The following ZSWIM9 variants were observed in gnomAD, a reference collection of about 807,000 sequenced individuals.
ZSWIM9 encodes uncharacterized protein ZSWIM9.
In ZSWIM9, 11 loss-of-function variants were observed where a neutral mutation model predicts 25.0. The ratio of observed to expected loss-of-function variants is 0.44; its 90% CI spans 0.28 to 0.73. ZSWIM9 has a LOEUF of 0.73. Ranked by LOEUF, ZSWIM9 falls within the 30% of genes least tolerant of loss-of-function variation. ZSWIM9 has a pLI of 0.16. For synonymous variants in ZSWIM9, 562 were observed against 582.1 expected, an observed-to-expected ratio of 0.97 and a Z score of 0.50; for missense variants, 1,070 against 1,296.5, an observed-to-expected ratio of 0.83 and a Z score of 2.68.
Position 48,171,821 on chromosome 19 carries a change from C to G in ZSWIM9, c.19C>G (p.Pro7Ala). 6.5e-7 allele frequency: 1 copy of G among 1,533,192 alleles called. No homozygotes were observed. The highest frequency in any genetic ancestry group is 8.7e-7 in the Non-Finnish European group (1 of 1,145,746). The allele number at this position is 1,533,192 out of a possible 1,614,324, so 95.0% of individuals were successfully genotyped here. A position where few individuals can be genotyped will look rare whatever the true frequency, so the allele number is the denominator to read the frequency against. ...CCCCAGGATGGAGCGGCCGGAGCCCCCACCCGGCACGGCTGCGGGGCAGGA... is the reference window on the plus strand; with the variant it reads ...CCCCAGGATGGAGCGGCCGGAGCCCGCACCCGGCACGGCTGCGGGGCAGGA... MERPEP[P>A]PGTAAGQEEQ... The change falls in exon 2 of 4, where the codon CCA becomes GCA. Residue 7 changes from proline (P) to alanine (A), a missense_variant. Pro to Ala is a conservative substitution (Grantham distance 27, BLOSUM62 -1). This residue lies in a region of ZSWIM9 where 265 missense variants were observed against 339.0 expected (regional missense o/e 0.78). Transcript: ENST00000614654.
At position 48,182,928 on chromosome 19, in the gene ZSWIM9, G is replaced by A; in HGVS notation, c.588+161G>A. ...AAGTACTTACCGAGGCATTGGGGAT[G>A]CAGCAGCAAACCAGACCCACGTGGT... is the stretch of plus-strand genomic sequence containing the variant. On this transcript the variant is annotated intron_variant, in intron 3 of 3. Coordinates refer to ENST00000614654, the MANE Select transcript of ZSWIM9 (RefSeq NM_199341.4). The surrounding 1 kb of genome is among the most constrained non-coding windows in gnomAD (Gnocchi z 4.6). 1.5e-6 allele frequency: 1 copy of A among 646,098 alleles called. No individual in the cohort carries two copies. Among genetic ancestry groups the A allele is most frequent in the Non-Finnish European group, 2.6e-6 (1 of 379,492 alleles). The allele number at this position is 646,098 out of a possible 1,614,324, so 40.0% of individuals were successfully genotyped here. A position where few individuals can be genotyped will look rare whatever the true frequency, so the allele number is the denominator to read the frequency against.
At chr19:48,178,401 C>T (rs1236252003) in intron 2 of ZSWIM9, among the ~76,000 whole-genome samples, 2 of 152,024 alleles carry the variant, frequency 1.3e-5, no homozygotes, top group Admixed American at 1.3e-4. Flanking sequence ...GGGAGAATCA[C>T]CCAGTTGGGG....
chr19:48,172,104 C>T (rs1306457756), intron 2 of ZSWIM9, 27 bp downstream of exon 2: 4 of 939,834 alleles, frequency 4.3e-6, no homozygotes, highest in African/African-American at 3.5e-5. Flanking sequence ...CGCTGTCCTG[C>T]TGGGGGGAAG....
At chr19:48,185,560 G>T (rs533419808) in intron 3 of ZSWIM9, among the ~76,000 whole-genome samples, 111 of 152,262 alleles carry the variant, frequency 7.3e-4, no homozygotes, top group Admixed American at 1.2e-3. Context: ...AAAGGTATGT[G>T]GTGAAAAGTC....
chr19:48,172,107 G>C (rs1357412468), intron 2 of ZSWIM9, 30 bp downstream of exon 2: 3 of 1,484,626 alleles, frequency 2.0e-6, no homozygotes, highest in South Asian at 2.6e-5. Flanking sequence ...TGTCCTGCTG[G>C]GGGGAAGGGG....
At position 48,190,169 on chromosome 19, in the gene ZSWIM9, A is replaced by T. The variant is rs914347202; in HGVS notation, c.589-4484A>T. ...CAGTGAGCCGAGATCATGCCACTGT[A>T]CTCCAGCCTGGGTGACAGATTGAGA... On this transcript the variant is annotated intron_variant, in intron 3 of 3. Transcript: ENST00000614654. Among the ~76,000 whole-genome samples the T allele has an allele frequency of 2.7e-5, 4 of 150,778 alleles. No individual in the cohort carries two copies. The East Asian group carries it at 7.8e-4, about 29-fold the overall frequency.
intron 3 of ZSWIM9, among the ~76,000 whole-genome samples, chr19:48,192,655 T>C (rs1250847363): frequency 6.6e-6 from 1 of 151,074 alleles, no homozygotes; most frequent in Non-Finnish European, 1.5e-5. Flanking sequence ...CACTGCTTGT[T>C]AGCGCAGTGG....
chr19:48,182,356 T>G lies in ZSWIM9; in HGVS notation c.276-99T>G. 9.5e-7 allele frequency: 1 copy of G among 1,057,878 alleles called. No individual in the cohort carries two copies. Among genetic ancestry groups the G allele is most frequent in the Non-Finnish European group, 1.3e-6 (1 of 759,654 alleles). The allele number at this position is 1,057,878 out of a possible 1,614,324, so 65.5% of individuals were successfully genotyped here. A position where few individuals can be genotyped will look rare whatever the true frequency, so the allele number is the denominator to read the frequency against. The stretch of plus-strand genomic sequence containing the variant: ...AGGGCCCTCTACTCTTCTCTATGCC[T>G]GAAACAATTCTTAGTTTAAAAAAAA... On this transcript the variant is annotated intron_variant, in intron 2 of 3. Coordinates refer to ENST00000614654, the MANE Select transcript of ZSWIM9 (RefSeq NM_199341.4). This position sits in a 1 kb window ranked among gnomAD's most constrained non-coding sequence, Gnocchi z 4.6.
intron 3 of ZSWIM9, among the ~76,000 whole-genome samples, chr19:48,192,536 T>A (rs79296026): frequency 2.0e-4 from 26 of 129,852 alleles, no homozygotes; most frequent in African/African-American, 7.5e-4. Flanking sequence ...TAGCCCCGCC[T>A]TCATCAAATG....
chr19:48,182,773 GTCTCGA>G lies in ZSWIM9; in HGVS notation c.588+7_588+12del. The G allele has an allele frequency of 6.6e-7, 1 of 1,519,964 alleles. No homozygotes were observed. The highest frequency in any genetic ancestry group is 8.8e-7 in the Non-Finnish European group (1 of 1,135,126). 94.2% of individuals were successfully genotyped at this position (1,519,964 alleles called of 1,614,324 possible). On this transcript the variant is annotated splice_region_variant and intron_variant, in intron 3 of 3. Coordinates refer to ENST00000614654, the MANE Select transcript of ZSWIM9 (RefSeq NM_199341.4). This position sits in a 1 kb window ranked among gnomAD's most constrained non-coding sequence, Gnocchi z 4.6. Reference sequence around the variant, plus strand: ...GCACCGACCCCGAGGCCAAGGTGGGGTCTCGAGAGAGGCAGGCCGGGGGAGGGGGCG... The same window carrying G: ...GCACCGACCCCGAGGCCAAGGTGGGGGAGAGGCAGGCCGGGGGAGGGGGCG...
chr19:48,187,543 TTA>T (rs1220323398), intron 3 of ZSWIM9: 1 of 50,500 alleles, frequency 2.0e-5, no homozygotes, highest in South Asian at 4.9e-4. Context: ...TATTATTATA[TTA>T]TATTATATAT....
Position 48,182,700 on chromosome 19 carries a change from G to C in ZSWIM9, c.521G>C (p.Arg174Pro). Residue 174 changes from arginine to proline, a missense_variant, in exon 3 of 4, where the codon CGC becomes CCC. Around this residue, in one of 4 missense-constraint regions of ZSWIM9, gnomAD observed 265 missense variants for 339.0 expected, o/e 0.78. Transcript: ENST00000614654. The surrounding 1 kb of genome is among the most constrained non-coding windows in gnomAD (Gnocchi z 4.6). ...CGCCTGCTGTCCTACTGCAAGGGCC[G>C]CGACCACGGCGTCCTGGACGCCCTG... ...VRRLLSYCKGRDHGVLDALHV... is the reference protein window; with the variant it reads ...VRRLLSYCKGPDHGVLDALHV... The C allele has an allele frequency of 1.3e-6, 2 of 1,535,532 alleles. No individual in the cohort carries two copies. Among genetic ancestry groups the C allele is most frequent in the Non-Finnish European group, 1.7e-6 (2 of 1,146,528 alleles).
intron 3 of ZSWIM9, among the ~76,000 whole-genome samples, chr19:48,192,480 A>AATATAT (rs1555787871): frequency 3.5e-4 from 6 of 17,380 alleles, no homozygotes; most frequent in East Asian, 2.4e-3. Context: ...AAAAAAAAAA[A>AATATAT]ATATATATAT....
At chr19:48,183,039 C>G (rs1020603657) in intron 3 of ZSWIM9, 1 of 460,316 alleles carries the variant, frequency 2.2e-6, no homozygotes, top group Admixed American at 3.9e-5. Flanking sequence ...GATTCTGCAC[C>G]CCCAGCCACA....
At chr19:48,183,781 C>T (rs1599927723) in intron 3 of ZSWIM9, among the ~76,000 whole-genome samples, 1 of 141,706 alleles carries the variant, frequency 7.1e-6, no homozygotes, top group Non-Finnish European at 1.5e-5. Flanking sequence ...GGACAACAGG[C>T]GTGCACCACC....
chr19:48,182,435 G>A lies in ZSWIM9; in HGVS notation c.276-20G>A, dbSNP rs555880551. On this transcript the variant is annotated intron_variant, in intron 2 of 3. Transcript: ENST00000614654. The surrounding 1 kb of genome is among the most constrained non-coding windows in gnomAD (Gnocchi z 4.6). ...GGCAGCAGAGTGATGTGACCAGGGCGGTGGTGGTTCCTCCCACAGGCCTCC... is the reference window on the plus strand; with the variant it reads ...GGCAGCAGAGTGATGTGACCAGGGCAGTGGTGGTTCCTCCCACAGGCCTCC... The A allele has an allele frequency of 5.8e-5, 88 of 1,522,364 alleles. No individual in the cohort carries two copies. Among genetic ancestry groups the A allele is most frequent in the Non-Finnish European group, 6.7e-5 (76 of 1,137,780 alleles). 94.3% of individuals were successfully genotyped at this position (1,522,364 alleles called of 1,614,324 possible). A position where few individuals can be genotyped will look rare whatever the true frequency, so the allele number is the denominator to read the frequency against.
At chr19:48,183,629 GT>G (rs5828337) in intron 3 of ZSWIM9, among the ~76,000 whole-genome samples, 16 of 144,028 alleles carry the variant, frequency 1.1e-4, no homozygotes, top group East Asian at 6.2e-4. Flanking sequence ...TGCTATGTAA[GT>G]TTTTTTTTTT....
chr19:48,175,490 G>A (rs2036883475), intron 2 of ZSWIM9, among the ~76,000 whole-genome samples: 2 of 152,176 alleles, frequency 1.3e-5, no homozygotes, highest in Admixed American at 6.5e-5. Context: ...GGCAGGACAT[G>A]AGGCTGCAGT....
chr19:48,183,600 G>T (rs1008101538), intron 3 of ZSWIM9, among the ~76,000 whole-genome samples: 17 of 151,622 alleles, frequency 1.1e-4, no homozygotes, highest in African/African-American at 3.9e-4. Flanking sequence ...GCAAGAAGGG[G>T]AGCCACAGTG....
Sources: gnomAD v4.1 joint callset for allele counts (sites outside exome capture counted in the v4.1 genomes callset) on GRCh38, gnomAD v4.1.1 for gene constraint, gnomAD v4.1.1 regional missense constraint, Gnocchi (gnomAD v3.1) non-coding constraint, MANE v1.5 for transcripts, NCBI Gene and HGNC (gene_info 2026-07-23, HGNC 2026-07-21) for gene names.